NBAS: variants seen among roughly 807,000 people sequenced by gnomAD.
NBAS encodes the protein NBAS subunit of NRZ tethering complex.
In NBAS, 219 loss-of-function variants were observed where a neutral mutation model predicts 302.5. That is an observed-to-expected ratio of 0.72 (90% CI 0.65 to 0.81). NBAS has a LOEUF of 0.81. Ranked by LOEUF, NBAS falls within the 30% of genes least tolerant of loss-of-function variation. The pLI is 0.00. For synonymous variants in NBAS, 1,118 were observed against 1,021.6 expected (o/e 1.09, Z -1.80); for missense variants, 2,932 against 2,841.6 (o/e 1.03, Z -0.72).
At chr2:15,447,755 C>G (rs937635140) in intron 21 of NBAS, among the ~76,000 whole-genome samples, 7 of 152,236 alleles carry the variant, frequency 4.6e-5, no homozygotes, top group Middle Eastern at 3.4e-3. Flanking sequence ...GATAATAAAT[C>G]AAAGCACAAG....
At chr2:14,810,107 G>A in the NBAS span, among the ~76,000 whole-genome samples, 1 of 152,214 alleles carries the variant, frequency 6.6e-6, no homozygotes, top group Non-Finnish European at 1.5e-5. Context: ...ATAGGCAGAA[G>A]AGATTTGCCT....
At chr2:15,162,551 C>T (rs1036291101), downstream of NBAS, among the ~76,000 whole-genome samples, 5 of 152,174 alleles carry the variant, frequency 3.3e-5, no homozygotes, top group South Asian at 4.1e-4. Flanking sequence ...GCCTGATTCC[C>T]GTCTCACAGC....
Position 15,362,862 on chromosome 2 carries a change from A to G in NBAS, c.3817+3718T>C, listed in dbSNP as rs1674005676. The stretch of plus-strand genomic sequence containing the variant: ...CTTTACGTAAAGAAGTTTATCCTAG[A>G]TAATCCTGGTGGGTCTGACTGAACT... On this transcript the variant is annotated intron_variant, in intron 32 of 51. Transcript: ENST00000281513. Among the ~76,000 whole-genome samples the G allele has an allele frequency of 2.6e-5, 4 of 152,312 alleles. No individual in the cohort carries two copies. The South Asian group carries it at 8.3e-4, about 32-fold the overall frequency.
At chr2:14,942,150 C>A in the NBAS span, among the ~76,000 whole-genome samples, 1 of 152,100 alleles carries the variant, frequency 6.6e-6, no homozygotes, top group Admixed American at 6.5e-5. Flanking sequence ...AAGCTAAAGC[C>A]AAAATAACTA....
chr2:15,059,995 C>T, the NBAS span, among the ~76,000 whole-genome samples: 72,394 of 146,302 alleles, frequency 0.49, 20,270 homozygotes, highest in African/African-American at 0.77. Flanking sequence ...AAACACTCCA[C>T]GTAGAAGTGT....
At chr2:15,520,921 A>G (rs1418677326) in intron 9 of NBAS, among the ~76,000 whole-genome samples, 1 of 152,236 alleles carries the variant, frequency 6.6e-6, no homozygotes, top group African/African-American at 2.4e-5. Context: ...GTTTCTCTAC[A>G]TACACAATAG....
At chr2:14,858,302 A>T in the NBAS span, among the ~76,000 whole-genome samples, 3 of 152,180 alleles carry the variant, frequency 2.0e-5, no homozygotes, top group Non-Finnish European at 4.4e-5. Context: ...CAACAAACCC[A>T]CTGCTGGGTA....
At position 15,478,230 on chromosome 2, in the gene NBAS, G is replaced by A. The variant is rs775294343; in HGVS notation, c.1143C>T (p.Ile381=). The A allele has an allele frequency of 6.3e-7, 1 of 1,597,466 alleles. No individual in the cohort carries two copies. Among genetic ancestry groups the A allele is most frequent in the African/African-American group, 1.3e-5 (1 of 74,710 alleles). Residue 381 remains isoleucine, a synonymous_variant, in exon 13 of 52, where the codon ATC becomes ATT. Coordinates refer to ENST00000281513, the MANE Select transcript of NBAS (RefSeq NM_015909.4). The stretch of plus-strand genomic sequence containing the variant: ...ATCACATTTCGTAGAACTCACCTTT[G>A]ATTTTTTTTCTCTTCTCAGTAGAGA... ...WRLSTEKRKK[I]KDKESFYPLI... is the part of the protein sequence containing the mutation.
At chr2:15,499,080 C>T (rs1681182799) in intron 11 of NBAS, among the ~76,000 whole-genome samples, 1 of 151,982 alleles carries the variant, frequency 6.6e-6, no homozygotes, top group Non-Finnish European at 1.5e-5. Context: ...AAGTACGTGC[C>T]ACCACACCCA....
intron 8 of NBAS, among the ~76,000 whole-genome samples, chr2:15,535,446 C>T (rs1409199934): frequency 1.3e-5 from 2 of 151,514 alleles, no homozygotes; most frequent in Non-Finnish European, 1.5e-5. Flanking sequence ...GGCATGAACC[C>T]GGGAGGCAGA....
rs140392837 is a variant in NBAS at position 15,439,858 on chromosome 2, T to C, written c.2340-12064A>G. 7.7e-3 allele frequency among the ~76,000 whole-genome samples: 1,176 copies of C among 152,362 alleles called. 19 individuals are homozygous for C. The highest frequency in any genetic ancestry group is 0.059 in the East Asian group (306 of 5,178). On this transcript the variant is annotated intron_variant, in intron 21 of 51. Transcript: ENST00000281513. ...AATGGTGCATCAGGAGATTATATCC[T>C]GCACCTGGCTCGGAGGGTCCTACGT...
At chr2:14,779,036 A>G in the NBAS span, among the ~76,000 whole-genome samples, 2 of 152,204 alleles carry the variant, frequency 1.3e-5, no homozygotes. Context: ...AGATCAAATG[A>G]CTAATCCAAG....
intron 9 of NBAS, among the ~76,000 whole-genome samples, chr2:15,523,037 G>A (rs140424127): frequency 2.3e-4 from 35 of 152,306 alleles, no homozygotes; most frequent in African/African-American, 7.7e-4. Context: ...CACCACAGCT[G>A]CAGATTCAAC....
intron 32 of NBAS, among the ~76,000 whole-genome samples, chr2:15,359,730 T>A (rs1456016684): frequency 6.6e-6 from 1 of 152,198 alleles, no homozygotes; most frequent in East Asian, 1.9e-4. Context: ...ATAATCTTTA[T>A]TATCTATTAA....
the NBAS span, among the ~76,000 whole-genome samples, chr2:14,861,536 A>G: frequency 1.1e-4 from 17 of 152,362 alleles, no homozygotes; most frequent in African/African-American, 4.1e-4. Flanking sequence ...TGAAAAACAC[A>G]GACTTTAGAT....
In NBAS at chr2:15,179,048, G is replaced by A. The variant is rs150656693; in HGVS notation, c.6780C>T (p.Leu2260=). 34 of 1,613,944 alleles carry A rather than the reference G, an allele frequency of 2.1e-5. No homozygotes were observed. The highest frequency in any genetic ancestry group is 4.0e-5 in the African/African-American group (3 of 74,884). The change falls in exon 51 of 52, where the codon CTC becomes CTT. Residue 2260 remains leucine (L), a synonymous_variant. Coordinates refer to ENST00000281513, the MANE Select transcript of NBAS (RefSeq NM_015909.4). ...SLLLPSLKLL[L]ESRDEHLHEM... is the part of the protein sequence containing the mutation. Reference sequence around the variant, plus strand: ...CGTGCAGATGCTCATCTCGGCTCTCGAGGAGAAGTTTCAGAGATGGAAGCA... The same window carrying A: ...CGTGCAGATGCTCATCTCGGCTCTCAAGGAGAAGTTTCAGAGATGGAAGCA...
At chr2:14,856,155 C>T in the NBAS span, among the ~76,000 whole-genome samples, 1 of 151,928 alleles carries the variant, frequency 6.6e-6, no homozygotes, top group Non-Finnish European at 1.5e-5. Flanking sequence ...GTCTCTGCCT[C>T]GTAATCCAGA....
intron 18 of NBAS, 102 bp from the exon 19 acceptor site, chr2:15,467,509 G>GA: frequency 2.3e-6 from 3 of 1,308,926 alleles, no homozygotes; most frequent in East Asian, 2.3e-5. Context: ...CAAAACTCAT[G>GA]AAACAGTTCA....
At chr2:15,060,655 G>C in the NBAS span, among the ~76,000 whole-genome samples, 3 of 152,036 alleles carry the variant, frequency 2.0e-5, no homozygotes, top group African/African-American at 7.3e-5. Flanking sequence ...AGTCGGGGAG[G>C]GGGAAGAAGG....
Sources: gnomAD v4.1 joint callset for allele counts (sites outside exome capture counted in the v4.1 genomes callset) on GRCh38, gnomAD v4.1.1 for gene constraint, MANE v1.5 for transcripts, NCBI Gene and HGNC (gene_info 2026-07-23, HGNC 2026-07-21) for gene names.